RASA3: variants seen among roughly 807,000 people sequenced by gnomAD.
The protein encoded by RASA3 is RAS p21 protein activator 3, also known as ras GTPase-activating protein 3.
A neutral mutation model predicts 110.0 loss-of-function variants in RASA3; 73 were observed. The observed-to-expected ratio is 0.66, with a 90% CI of 0.55 to 0.81. The LOEUF (loss-of-function observed/expected upper bound fraction) is 0.81. Among genes scored for constraint, RASA3 ranks in the 30% least tolerant of loss-of-function variants. The pLI is 0.00. For missense variants in RASA3, 976 were observed against 1,113.2 expected, an observed-to-expected ratio of 0.88 and a Z score of 1.75; for synonymous variants, 500 against 451.4, an observed-to-expected ratio of 1.11 and a Z score of -1.37.
chr13:114,073,625 C>G lies in RASA3; in HGVS notation c.173+95G>C, dbSNP rs1361885178. The G allele has an allele frequency of 4.7e-6, 5 of 1,055,276 alleles. No homozygotes were observed. The African/African-American group carries it at 7.8e-5, about 17-fold the overall frequency. 65.4% of individuals were successfully genotyped at this position (1,055,276 alleles called of 1,614,324 possible). The stretch of plus-strand genomic sequence containing the variant: ...ACGTACACGCTCGGGACGTTCTCCA[C>G]ACATGGGAAAATGGGAAGGTGACGT... On this transcript the variant is annotated intron_variant, in intron 2 of 23. Coordinates refer to ENST00000334062, the MANE Select transcript of RASA3 (RefSeq NM_007368.4).
At chr13:114,101,506 C>T (rs1439992651) in intron 1 of RASA3, among the ~76,000 whole-genome samples, 2 of 152,214 alleles carry the variant, frequency 1.3e-5, no homozygotes, top group African/African-American at 2.4e-5. Context: ...ATGGACAATC[C>T]GAACCTGGAG....
At chr13:114,117,164 C>T (rs1272678729) in intron 1 of RASA3, among the ~76,000 whole-genome samples, 4 of 98,074 alleles carry the variant, frequency 4.1e-5, no homozygotes, top group Non-Finnish European at 8.1e-5. Context: ...GAGGGGTGCA[C>T]GTGTGTGACA....
At position 114,048,739 on chromosome 13, in the gene RASA3, G is replaced by A. The variant is rs905367641; in HGVS notation, c.277+3313C>T. ...CCGGCTTGACTGACAGTTCCCGCCG[G>A]CAGCAGCGCTCTGTGGGCCATGGAC... is the stretch of plus-strand genomic sequence containing the variant. On this transcript the variant is annotated intron_variant, in intron 3 of 23. Coordinates refer to ENST00000334062, the MANE Select transcript of RASA3 (RefSeq NM_007368.4). This position sits in a 1 kb window ranked among gnomAD's most constrained non-coding sequence, Gnocchi z 4.3. Among the ~76,000 whole-genome samples the A allele has an allele frequency of 6.6e-6, 1 of 152,182 alleles. No individual in the cohort carries two copies. Among genetic ancestry groups the A allele is most frequent in the African/African-American group, 2.4e-5 (1 of 41,436 alleles).
intron 2 of RASA3, among the ~76,000 whole-genome samples, chr13:114,067,728 G>A (rs542383164): frequency 1.6e-4 from 24 of 152,252 alleles, no homozygotes; most frequent in Middle Eastern, 3.4e-3. Context: ...CACACAGGAC[G>A]GGACGGGCTT....
intron 6 of RASA3, 28 bp downstream of exon 6, chr13:114,027,819 C>G (rs1284850730): frequency 2.5e-6 from 4 of 1,607,004 alleles, no homozygotes; most frequent in East Asian, 2.2e-5. Flanking sequence ...AGGACCAGAA[C>G]AGAAACCTGA....
rs533470949 is a variant in RASA3, at chr13:114,034,030, G to A, written c.373-4143C>T. On this transcript the variant is annotated intron_variant, in intron 4 of 23. Coordinates refer to ENST00000334062, the MANE Select transcript of RASA3 (RefSeq NM_007368.4). Reference sequence around the variant, plus strand: ...CCTGTGGTCCTCACCGCCTGGCAGCGGGCCTGCTATCCGTGGCTATCCATG... The same window carrying A: ...CCTGTGGTCCTCACCGCCTGGCAGCAGGCCTGCTATCCGTGGCTATCCATG... Among the ~76,000 whole-genome samples, 41 of 152,310 alleles carry A rather than the reference G, an allele frequency of 2.7e-4. 2 individuals are homozygous for A. The South Asian group carries it at 8.1e-3, about 30-fold the overall frequency.
intron 1 of RASA3, among the ~76,000 whole-genome samples, chr13:114,097,631 G>C (rs1206286785): frequency 6.6e-6 from 1 of 152,226 alleles, no homozygotes; most frequent in East Asian, 1.9e-4. Context: ...ATCACAGAAC[G>C]GAAGTGCCCG....
intron 1 of RASA3, among the ~76,000 whole-genome samples, chr13:114,106,994 GC>G (rs749911546): frequency 3.9e-5 from 6 of 152,066 alleles, no homozygotes; most frequent in Admixed American, 1.3e-4. Flanking sequence ...CCTCAGCCAG[GC>G]CCCCCCAGAG....
At chr13:114,053,106 C>T (rs1385896129) in intron 2 of RASA3, among the ~76,000 whole-genome samples, 4 of 151,946 alleles carry the variant, frequency 2.6e-5, no homozygotes, top group Non-Finnish European at 5.9e-5. Context: ...GAGAGGCCCC[C>T]GCCGCTGACT....
intron 1 of RASA3, among the ~76,000 whole-genome samples, chr13:114,090,669 C>T (rs1282468303): frequency 2.6e-5 from 4 of 152,226 alleles, no homozygotes; most frequent in African/African-American, 7.2e-5. Flanking sequence ...AGAGAGCCCA[C>T]GTGACAAGCA....
chr13:114,029,721 T>C (rs2139383797), intron 5 of RASA3, 90 bp downstream of exon 5: 1 of 1,241,172 alleles, frequency 8.1e-7, no homozygotes, highest in Non-Finnish European at 1.1e-6. Flanking sequence ...TGGAAATTCT[T>C]GTGCGTTGGT....
At chr13:114,070,981 GCGTC>G (rs1218067591) in intron 2 of RASA3, among the ~76,000 whole-genome samples, 25 of 144,964 alleles carry the variant, frequency 1.7e-4, no homozygotes, top group African/African-American at 6.0e-4. Context: ...AGGGCTGCCG[GCGTC>G]CACGCTAAAC....
chr13:114,060,050 C>T (rs1370946612), intron 2 of RASA3, among the ~76,000 whole-genome samples: 1 of 152,204 alleles, frequency 6.6e-6, no homozygotes. Flanking sequence ...CGCAGGAGGA[C>T]AAGGGAACGC....
At chr13:114,066,062 G>A (rs547035611) in intron 2 of RASA3, among the ~76,000 whole-genome samples, 1 of 151,500 alleles carries the variant, frequency 6.6e-6, no homozygotes, top group African/African-American at 2.4e-5. Context: ...CGCCAGGCAC[G>A]CCACACACCA....
chr13:114,022,885 G>A (rs781774839), intron 8 of RASA3, among the ~76,000 whole-genome samples: 4 of 152,224 alleles, frequency 2.6e-5, no homozygotes, highest in Non-Finnish European at 5.9e-5. Context: ...AGTCCCTGGG[G>A]AGGCAGATCT....
At chr13:113,994,610 T>G (rs2053192178) in intron 21 of RASA3, among the ~76,000 whole-genome samples, 1 of 152,082 alleles carries the variant, frequency 6.6e-6, no homozygotes, top group Non-Finnish European at 1.5e-5. Context: ...AACACCACCC[T>G]GGGCAACATG....
At chr13:114,043,306 A>T (rs2054455639) in intron 3 of RASA3, among the ~76,000 whole-genome samples, 1 of 152,196 alleles carries the variant, frequency 6.6e-6, no homozygotes, top group South Asian at 2.1e-4. Flanking sequence ...AGACGGAATC[A>T]GGACAGTTTG....
intron 1 of RASA3, among the ~76,000 whole-genome samples, chr13:114,099,470 C>T (rs375391361): frequency 4.1e-4 from 63 of 151,870 alleles, no homozygotes; most frequent in East Asian, 1.4e-3. Flanking sequence ...CCGGGGTGTC[C>T]GGGAATGACT....
rs757815551 is a variant in RASA3 at position 113,979,463 on chromosome 13, G to A, written c.2430-41C>T. On this transcript the variant is annotated intron_variant, in intron 23 of 23. Coordinates refer to ENST00000334062, the MANE Select transcript of RASA3 (RefSeq NM_007368.4). ...GGAGAGGGAATGAGGCACAGACCCC[G>A]TTGCCTGGTGCTCACCCGTGGCTGC... is the stretch of plus-strand genomic sequence containing the variant. 26 of 1,477,594 alleles carry A rather than the reference G, an allele frequency of 1.8e-5. 1 individual carries two copies. The highest frequency in any genetic ancestry group is 3.3e-5 in the Admixed American group (2 of 59,808). The allele number at this position is 1,477,594 out of a possible 1,614,324, so 91.5% of individuals were successfully genotyped here. A position where few individuals can be genotyped will look rare whatever the true frequency, so the allele number is the denominator to read the frequency against.
Sources: gnomAD v4.1 joint callset for allele counts (sites outside exome capture counted in the v4.1 genomes callset) on GRCh38, gnomAD v4.1.1 for gene constraint, Gnocchi (gnomAD v3.1) non-coding constraint, MANE v1.5 for transcripts, NCBI Gene and HGNC (gene_info 2026-07-23, HGNC 2026-07-21) for gene names.